Variants in OPCML observed in about 807,000 individuals in gnomAD.
The protein encoded by OPCML is opioid binding protein/cell adhesion molecule like.
A neutral mutation model predicts 37.8 loss-of-function variants in OPCML; 13 were observed. The observed-to-expected ratio is 0.34, with a 90% CI of 0.22 to 0.55. The LOEUF (loss-of-function observed/expected upper bound fraction) is 0.55, where lower values mean the gene tolerates loss of function less well. Ranked by LOEUF, OPCML falls within the 20% of genes least tolerant of loss-of-function variation. The pLI is 0.91. For synonymous variants in OPCML, 176 were observed against 168.8 expected (o/e 1.04, Z -0.33); for missense variants, 341 against 435.6 (o/e 0.78, Z 1.93).
intron 2 of OPCML, among the ~76,000 whole-genome samples, chr11:132,669,624 A>T (rs986644221): frequency 3.3e-5 from 5 of 152,192 alleles, no homozygotes; most frequent in African/African-American, 1.2e-4. Context: ...TGGCTTTGGA[A>T]CACCTTTATG....
chr11:132,907,826 G>C (rs1478102956), intron 2 of OPCML, among the ~76,000 whole-genome samples: 1 of 152,090 alleles, frequency 6.6e-6, no homozygotes, highest in Non-Finnish European at 1.5e-5. Context: ...GGTCGAGTTA[G>C]TAGTTTACAC....
intron 1 of OPCML, among the ~76,000 whole-genome samples, chr11:133,404,651 G>C (rs959791329): frequency 1.3e-5 from 2 of 152,226 alleles, no homozygotes; most frequent in African/African-American, 4.8e-5. Flanking sequence ...GTAACGATAA[G>C]AGAAGCATAA....
At chr11:132,720,250 A>G (rs939702669) in intron 2 of OPCML, among the ~76,000 whole-genome samples, 3 of 152,116 alleles carry the variant, frequency 2.0e-5, no homozygotes, top group Admixed American at 2.0e-4. Context: ...CATAGTCAAA[A>G]CATCTGATGG....
intron 4 of OPCML, among the ~76,000 whole-genome samples, chr11:132,511,728 T>C (rs1267876881): frequency 6.6e-6 from 1 of 152,046 alleles, no homozygotes; most frequent in Non-Finnish European, 1.5e-5. Flanking sequence ...AAATGTTAGC[T>C]CATACCATGC....
chr11:132,932,712 T>C (rs866491850), intron 2 of OPCML, among the ~76,000 whole-genome samples: 103 of 144,048 alleles, frequency 7.2e-4, no homozygotes, highest in South Asian at 3.6e-3. Flanking sequence ...TATATATATA[T>C]ACAAATGCTG....
chr11:133,492,489 A>C (rs946728833), intron 1 of OPCML, among the ~76,000 whole-genome samples: 1 of 152,282 alleles, frequency 6.6e-6, no homozygotes, highest in South Asian at 2.1e-4. Flanking sequence ...GGCTAAAATC[A>C]TGGGTAAAAA....
rs112811243 is a variant in OPCML, at chr11:132,958,264, A to C, written c.62-15254T>G. On this transcript the variant is annotated intron_variant, in intron 1 of 7. Transcript: ENST00000524381. ...ATTCTATTAAGCCAAAGCCTAATCC[A>C]GAGCGAGGTTGTAACTCTCTTCAAT... Among the ~76,000 whole-genome samples the C allele has an allele frequency of 5.9e-3, 902 of 152,370 alleles. 12 individuals carry two copies. The highest frequency in any genetic ancestry group is 0.021 in the African/African-American group (864 of 41,576).
intron 3 of OPCML, among the ~76,000 whole-genome samples, chr11:132,604,582 CA>C (rs1191585917): frequency 2.6e-5 from 4 of 152,154 alleles, no homozygotes; most frequent in African/African-American, 7.2e-5. Flanking sequence ...ATTCTACCAC[CA>C]ACTCAAACAA....
intron 2 of OPCML, among the ~76,000 whole-genome samples, chr11:132,812,147 A>C (rs1939384405): frequency 2.6e-5 from 4 of 152,114 alleles, no homozygotes. Flanking sequence ...TTAAGGACTA[A>C]ATGGGACAGG....
intron 1 of OPCML, among the ~76,000 whole-genome samples, chr11:133,429,014 ATG>A (rs1352468990): frequency 6.6e-6 from 1 of 152,234 alleles, no homozygotes; most frequent in African/African-American, 2.4e-5. Context: ...AAGAGATGAA[ATG>A]TGAGTAGAAT....
intron 1 of OPCML, among the ~76,000 whole-genome samples, chr11:133,237,643 T>A (rs573713286): frequency 6.6e-6 from 1 of 152,228 alleles, no homozygotes; most frequent in African/African-American, 2.4e-5. Flanking sequence ...AAAGAGGTAA[T>A]TGAAGGGATG....
intron 1 of OPCML, among the ~76,000 whole-genome samples, chr11:133,030,219 G>C (rs1009202506): frequency 6.6e-6 from 1 of 152,214 alleles, no homozygotes; most frequent in Non-Finnish European, 1.5e-5. Context: ...AACTCTTAAT[G>C]ATGTCTTAAA....
chr11:133,007,276 T>G (rs775842403), intron 1 of OPCML: 45 of 985,360 alleles, frequency 4.6e-5, no homozygotes, highest in Non-Finnish European at 5.3e-5. Flanking sequence ...ATAACTGAGC[T>G]ATTTATGCTG....
chr11:133,140,528 TAATAAGAAGAAGAAGAAG>T (rs1394527348), intron 1 of OPCML, among the ~76,000 whole-genome samples: 8 of 61,242 alleles, frequency 1.3e-4, no homozygotes, highest in Admixed American at 4.1e-4. Flanking sequence ...ATAATAATAA[TAATAAGAAGAAGAAGAAG>T]AAGAAGAAGA....
intron 1 of OPCML, among the ~76,000 whole-genome samples, chr11:133,310,871 A>T (rs1403150214): frequency 1.3e-5 from 2 of 152,200 alleles, no homozygotes; most frequent in Admixed American, 1.3e-4. Context: ...CTATGCAAAT[A>T]TTCTGCTAAC....
In OPCML at chr11:133,127,859, G is replaced by A. The variant is rs772804940; in HGVS notation, c.62-184849C>T. ...AGGGGCACCTCATATGGACATAAGA[G>A]ATAAATGATAACACAGGCTTCCAAA... is the stretch of plus-strand genomic sequence containing the variant. On this transcript the variant is annotated intron_variant, in intron 1 of 7. Transcript: ENST00000524381. Among the ~76,000 whole-genome samples, 3 of 152,088 alleles carry A rather than the reference G, an allele frequency of 2.0e-5. 1 individual carries two copies. The highest frequency in any genetic ancestry group is 2.9e-5 in the Non-Finnish European group (2 of 67,998).
intron 1 of OPCML, among the ~76,000 whole-genome samples, chr11:133,083,997 CT>C (rs1241512033): frequency 6.6e-6 from 1 of 152,146 alleles, no homozygotes; most frequent in African/African-American, 2.4e-5. Flanking sequence ...TACTAATTGA[CT>C]TTTTGCATGC....
intron 3 of OPCML, among the ~76,000 whole-genome samples, chr11:132,655,325 G>A (rs1013438178): frequency 2.0e-5 from 3 of 152,208 alleles, no homozygotes; most frequent in African/African-American, 7.2e-5. Flanking sequence ...CCCAGGTGCA[G>A]GCAGGTGGGG....
chr11:132,787,147 T>C (rs1947241236), intron 2 of OPCML, among the ~76,000 whole-genome samples: 1 of 152,192 alleles, frequency 6.6e-6, no homozygotes, highest in Admixed American at 6.5e-5. Context: ...ACCAGTGATC[T>C]GGACTAAATA....
Sources: gnomAD v4.1 joint callset for allele counts (sites outside exome capture counted in the v4.1 genomes callset) on GRCh38, gnomAD v4.1.1 for gene constraint, MANE v1.5 for transcripts, NCBI Gene and HGNC (gene_info 2026-07-23, HGNC 2026-07-21) for gene names.